Variants in DHRS11 observed in about 807,000 individuals in gnomAD.
DHRS11 encodes the protein dehydrogenase/reductase SDR family member 11.
Under a neutral mutation model 30.7 loss-of-function variants are expected in DHRS11, and 18 were observed. The ratio of observed to expected loss-of-function variants is 0.59; its 90% CI spans 0.41 to 0.87. DHRS11 has a LOEUF of 0.87. Among genes scored for constraint, DHRS11 ranks in the 40% least tolerant of loss-of-function variants. DHRS11 has a pLI of 0.00. For synonymous variants in DHRS11, 123 were observed against 139.6 expected, an observed-to-expected ratio of 0.88 and a Z score of 0.84; for missense variants, 300 against 349.0, an observed-to-expected ratio of 0.86 and a Z score of 1.12.
rs553433416 is a variant in DHRS11, at chr17:36,593,485, C to T, written c.147+1329C>T. ...CTAGAGGAGGAAGCGGGAAGATGTA[C>T]ACCAGGGGAGGGGAAAGCTGCAGTC... is the stretch of plus-strand genomic sequence containing the variant. On this transcript the variant is annotated intron_variant, in intron 1 of 6. Transcript: ENST00000618403. Among the ~76,000 whole-genome samples, 9 of 152,280 alleles carry T rather than the reference C, an allele frequency of 5.9e-5. No homozygotes were observed. In the East Asian group the frequency reaches 1.5e-3, roughly 26 times the overall value.
chr17:36,598,405 ATGT>A, intron 3 of DHRS11, 148 bp downstream of exon 3: 1 of 764,786 alleles, frequency 1.3e-6, no homozygotes, highest in Non-Finnish European at 2.1e-6. Flanking sequence ...GGAAAGAATA[ATGT>A]TGTCAAGTAC....
rs143457946 is a variant in DHRS11 at position 36,593,274 on chromosome 17, C to T, written c.147+1118C>T. On this transcript the variant is annotated intron_variant, in intron 1 of 6. Coordinates refer to ENST00000618403, the MANE Select transcript of DHRS11 (RefSeq NM_024308.4). Reference sequence around the variant, plus strand: ...GGATCCCCAGGCTGATCACTCAGTCCCAGGGTGACTCCATGTCTGAGAGGA... The same window carrying T: ...GGATCCCCAGGCTGATCACTCAGTCTCAGGGTGACTCCATGTCTGAGAGGA... Among the ~76,000 whole-genome samples, 1,186 of 152,262 alleles carry T rather than the reference C, an allele frequency of 7.8e-3. 6 individuals are homozygous for T. The highest frequency in any genetic ancestry group is 0.012 in the Non-Finnish European group (807 of 68,010).
chr17:36,598,958 C>G lies in DHRS11; in HGVS notation c.490C>G (p.His164Asp). Residue 164 changes from histidine (H) to aspartate (D), a missense_variant, in exon 4 of 7, where the codon CAC becomes GAC. His to Asp is a moderately conservative substitution (Grantham distance 81). Coordinates refer to ENST00000618403, the MANE Select transcript of DHRS11 (RefSeq NM_024308.4). ...CCGAGTGTTACCCCTGTCTGTGACCCACTTCTATAGTGCCACCAAGTATGC... is the reference window on the plus strand; with the variant it reads ...CCGAGTGTTACCCCTGTCTGTGACCGACTTCTATAGTGCCACCAAGTATGC... ...GHRVLPLSVT[H>D]FYSATKYAVT... The G allele has an allele frequency of 6.2e-7, 1 of 1,613,606 alleles. No individual in the cohort carries two copies. The highest frequency in any genetic ancestry group is 1.7e-5 in the Admixed American group (1 of 60,006).
rs1189802425 is a variant in DHRS11 at position 36,592,962 on chromosome 17, G to T, written c.147+806G>T. Among the ~76,000 whole-genome samples, 2 of 152,016 alleles carry T rather than the reference G, an allele frequency of 1.3e-5. No homozygotes were observed. Among genetic ancestry groups the T allele is most frequent in the Non-Finnish European group, 2.9e-5 (2 of 68,004 alleles). ...AAGGGTAAGGAGGCCTTGGGTGGGG[G>T]CAGAGGGAGAAGGTATACAGGAAGG... On this transcript the variant is annotated intron_variant, in intron 1 of 6. Coordinates refer to ENST00000618403, the MANE Select transcript of DHRS11 (RefSeq NM_024308.4). The surrounding 1 kb of genome is among the most constrained non-coding windows in gnomAD (Gnocchi z 4.4).
rs371401012 is a variant in DHRS11, at chr17:36,594,939, C to T, written c.148-32C>T. On this transcript the variant is annotated intron_variant, in intron 1 of 6. Transcript: ENST00000618403. Reference sequence around the variant, plus strand: ...TAGGGAGCCGTGGGAGTGAGCTGCTCACCCCAGTCAGACCCCTGTTGGGTT... The same window carrying T: ...TAGGGAGCCGTGGGAGTGAGCTGCTTACCCCAGTCAGACCCCTGTTGGGTT... 12 of 1,612,156 alleles carry T rather than the reference C, an allele frequency of 7.4e-6. No individual in the cohort carries two copies. In the African/African-American group the frequency reaches 1.3e-4, roughly 18 times the overall value.
At position 36,597,966 on chromosome 17, in the gene DHRS11, C is replaced by CTG. The variant is rs1231928488; in HGVS notation, c.358-196_358-195dup. ...GGTGAGGAGCTACCTCTGTTATCAA[C>CTG]TGGGGGTTGCGGCTTTAGGGAGAGG... is the stretch of plus-strand genomic sequence containing the variant. On this transcript the variant is annotated intron_variant, in intron 2 of 6. Coordinates refer to ENST00000618403, the MANE Select transcript of DHRS11 (RefSeq NM_024308.4). The CTG allele has an allele frequency of 9.7e-6, 6 of 619,250 alleles. No individual in the cohort carries two copies. The African/African-American group carries it at 1.1e-4, about 11-fold the overall frequency. 38.4% of individuals were successfully genotyped at this position (619,250 alleles called of 1,614,324 possible).
At position 36,592,281 on chromosome 17, in the gene DHRS11, C is replaced by A; in HGVS notation, c.147+125C>A. 8.8e-7 allele frequency: 1 copy of A among 1,133,048 alleles called. No homozygotes were observed. The highest frequency in any genetic ancestry group is 1.1e-6 in the Non-Finnish European group (1 of 899,586). 70.2% of individuals were successfully genotyped at this position (1,133,048 alleles called of 1,614,324 possible). On this transcript the variant is annotated intron_variant, in intron 1 of 6. Transcript: ENST00000618403. The surrounding 1 kb of genome is among the most constrained non-coding windows in gnomAD (Gnocchi z 4.4). The stretch of plus-strand genomic sequence containing the variant: ...GGCCTCTCGGATCCCTTAAGGCAGG[C>A]TTCTCCCTTCCCCTTAAGTCTCATC...
Position 36,592,128 on chromosome 17 carries a change from G to T in DHRS11, c.119G>T (p.Gly40Val), listed in dbSNP as rs962950560. 5 of 1,279,412 alleles carry T rather than the reference G, an allele frequency of 3.9e-6. No individual in the cohort carries two copies. Among genetic ancestry groups the T allele is most frequent in the African/African-American group, 3.0e-5 (2 of 65,906 alleles). 79.3% of individuals were successfully genotyped at this position (1,279,412 alleles called of 1,614,324 possible). ...ALVQQGLKVVGCARTVGNIEE... is the reference protein window; with the variant it reads ...ALVQQGLKVVVCARTVGNIEE... ...GTCCAGCAGGGACTGAAGGTGGTGG[G>T]CTGCGCCCGCACTGTGGGCAACATC... The change falls in exon 1 of 7, where the codon GGC (glycine) becomes GTC (valine). Residue 40 changes from glycine to valine, a missense_variant. By Grantham distance (109) the Gly-to-Val change is moderately radical. Coordinates refer to ENST00000618403, the MANE Select transcript of DHRS11 (RefSeq NM_024308.4). The surrounding 1 kb of genome is among the most constrained non-coding windows in gnomAD (Gnocchi z 4.4).
chr17:36,599,450 CTT>C, intron 4 of DHRS11: 1 of 588,822 alleles, frequency 1.7e-6, no homozygotes, highest in East Asian at 2.8e-5. Flanking sequence ...TTCAGGGACA[CTT>C]TTTTGTAAAA....
chr17:36,595,159 T>C lies in DHRS11; in HGVS notation c.336T>C (p.Ser112=), dbSNP rs1169197228. ...RPDTLLSGST[S]GWKDMFNVNV... ...ACACCCTGCTCTCAGGCAGCACCAG[T>C]GGTTGGAAGGACATGTTCAATGTAA... The change falls in exon 2 of 7, where the codon AGT becomes AGC. Residue 112 remains serine (S), a synonymous_variant. Transcript: ENST00000618403. The C allele has an allele frequency of 1.1e-5, 17 of 1,613,434 alleles. No individual in the cohort carries two copies. The highest frequency in any genetic ancestry group is 8.3e-5 in the Admixed American group (5 of 59,980).
chr17:36,592,466 C>T lies in DHRS11; in HGVS notation c.147+310C>T, dbSNP rs1170527915. Among the ~76,000 whole-genome samples, 1 of 152,216 alleles carries T rather than the reference C, an allele frequency of 6.6e-6. No individual in the cohort carries two copies. The highest frequency in any genetic ancestry group is 1.5e-5 in the Non-Finnish European group (1 of 68,040). ...GTCTCGCCCCTGTGGCCTTCTCGCCCCCGGCGGCCAAGTGCCTCTAATCTC... is the reference window on the plus strand; with the variant it reads ...GTCTCGCCCCTGTGGCCTTCTCGCCTCCGGCGGCCAAGTGCCTCTAATCTC... On this transcript the variant is annotated intron_variant, in intron 1 of 6. Coordinates refer to ENST00000618403, the MANE Select transcript of DHRS11 (RefSeq NM_024308.4). This position sits in a 1 kb window ranked among gnomAD's most constrained non-coding sequence, Gnocchi z 4.4.
chr17:36,598,282 C>T, intron 3 of DHRS11, 25 bp downstream of exon 3: 1 of 1,605,820 alleles, frequency 6.2e-7, no homozygotes, highest in East Asian at 2.2e-5. Flanking sequence ...CCAATGGGTA[C>T]CACTCACCCA....
rs766145709 is a variant in DHRS11, at chr17:36,592,203, C to T, written c.147+47C>T. 1.6e-6 allele frequency: 2 copies of T among 1,245,366 alleles called. No homozygotes were observed. Among genetic ancestry groups the T allele is most frequent in the Non-Finnish European group, 2.0e-6 (2 of 995,178 alleles). The allele number at this position is 1,245,366 out of a possible 1,614,324, so 77.1% of individuals were successfully genotyped here. On this transcript the variant is annotated intron_variant, in intron 1 of 6. Coordinates refer to ENST00000618403, the MANE Select transcript of DHRS11 (RefSeq NM_024308.4). This position sits in a 1 kb window ranked among gnomAD's most constrained non-coding sequence, Gnocchi z 4.4. ...GGACGTCGCGGGCGGGTCGTTTCCCCGGAGTCGGGTTCACCTGCCCGCCAC... is the reference window on the plus strand; with the variant it reads ...GGACGTCGCGGGCGGGTCGTTTCCCTGGAGTCGGGTTCACCTGCCCGCCAC...
intron 1 of DHRS11, among the ~76,000 whole-genome samples, chr17:36,594,328 C>G (rs2074791684): frequency 6.6e-6 from 1 of 152,176 alleles, no homozygotes; most frequent in Admixed American, 6.5e-5. Context: ...CGCATATTAC[C>G]TATGGGCAGA....
intron 2 of DHRS11, 81 bp from the exon 3 acceptor site, chr17:36,598,082 T>G (rs1010542841): frequency 1.4e-6 from 2 of 1,427,366 alleles, no homozygotes; most frequent in African/African-American, 2.8e-5. Context: ...ACTGCCCCCT[T>G]CCCCCCTAGC....
chr17:36,593,896 G>C (rs1442039247), intron 1 of DHRS11, among the ~76,000 whole-genome samples: 1 of 152,182 alleles, frequency 6.6e-6, no homozygotes, highest in South Asian at 2.1e-4. Context: ...GCCACAGAAC[G>C]TATTTTCTTC....
In DHRS11 at chr17:36,592,143, T is replaced by A; in HGVS notation, c.134T>A (p.Val45Glu). The A allele has an allele frequency of 7.8e-7, 1 of 1,283,794 alleles. No individual in the cohort carries two copies. The highest frequency in any genetic ancestry group is 3.3e-5 in the South Asian group (1 of 30,432). 79.5% of individuals were successfully genotyped at this position (1,283,794 alleles called of 1,614,324 possible). The change falls in exon 1 of 7, where the codon GTG becomes GAG. Residue 45 changes from valine to glutamate, a missense_variant. Physicochemically the swap from Val to Glu is moderately radical, Grantham distance 121. Transcript: ENST00000618403. This position sits in a 1 kb window ranked among gnomAD's most constrained non-coding sequence, Gnocchi z 4.4. ...AAGGTGGTGGGCTGCGCCCGCACTG[T>A]GGGCAACATCGAGGTGAGGCCGGGC... is the stretch of plus-strand genomic sequence containing the variant. ...GLKVVGCART[V>E]GNIEELAAEC...
At chr17:36,593,030 T>G (rs892261322) in intron 1 of DHRS11, among the ~76,000 whole-genome samples, 1 of 152,178 alleles carries the variant, frequency 6.6e-6, no homozygotes, top group African/African-American at 2.4e-5. Context: ...GTATGCTTTA[T>G]AACCCAGATA....
rs201036926 is a variant in DHRS11 at position 36,600,177 on chromosome 17, A to T, written c.757A>T (p.Met253Leu). Reference protein sequence around the residue: ...PAHIQIGDIQMRPTEQVT With the variant: ...PAHIQIGDIQLRPTEQVT ...CCTTCCACAGATTGGAGACATCCAG[A>T]TGAGGCCCACGGAGCAGGTGACCTA... Residue 253 changes from methionine to leucine, a missense_variant, in exon 7 of 7, where the codon ATG (methionine) becomes TTG (leucine). Met to Leu is a conservative substitution (Grantham distance 15, BLOSUM62 2). Coordinates refer to ENST00000618403, the MANE Select transcript of DHRS11 (RefSeq NM_024308.4). The T allele has an allele frequency of 1.7e-5, 28 of 1,614,024 alleles. No individual in the cohort carries two copies. Among genetic ancestry groups the T allele is most frequent in the Middle Eastern group, 3.3e-4 (2 of 6,060 alleles).
Sources: gnomAD v4.1 joint callset for allele counts (sites outside exome capture counted in the v4.1 genomes callset) on GRCh38, gnomAD v4.1.1 for gene constraint, Gnocchi (gnomAD v3.1) non-coding constraint, MANE v1.5 for transcripts, NCBI Gene and HGNC (gene_info 2026-07-23, HGNC 2026-07-21) for gene names.